The following RIMS2 variants were observed in gnomAD, a reference collection of about 807,000 sequenced individuals.
RIMS2 encodes the protein regulating synaptic membrane exocytosis 2.
In RIMS2, 59 loss-of-function variants were observed where a neutral mutation model predicts 174.4. The ratio of observed to expected loss-of-function variants is 0.34; its 90% CI spans 0.27 to 0.42. The LOEUF (loss-of-function observed/expected upper bound fraction) is 0.42, where lower values mean the gene tolerates loss of function less well. RIMS2 is among the 10% of genes least tolerant of loss of function. The probability of loss-of-function intolerance (pLI) is 1.00; values close to 1 mark genes in which losing one functional copy is unlikely to be tolerated. For missense variants in RIMS2, 1,620 were observed against 1,666.3 expected, an observed-to-expected ratio of 0.97 and a Z score of 0.48; for synonymous variants, 606 against 572.5, an observed-to-expected ratio of 1.06 and a Z score of -0.84.
chr8:103,582,529 G>T (rs959322173), intron 1 of RIMS2, among the ~76,000 whole-genome samples: 16 of 152,192 alleles, frequency 1.1e-4, no homozygotes, highest in African/African-American at 3.9e-4. Context: ...GGTATTTCTG[G>T]ATGTGTCCTG....
At chr8:103,800,854 G>T (rs1251386924) in intron 3 of RIMS2, among the ~76,000 whole-genome samples, 1 of 152,122 alleles carries the variant, frequency 6.6e-6, no homozygotes, top group Non-Finnish European at 1.5e-5. Flanking sequence ...GTTAGGAAAT[G>T]ATCTTCTATC....
intron 17 of RIMS2, among the ~76,000 whole-genome samples, chr8:103,999,897 C>T (rs2095309402): frequency 6.6e-6 from 1 of 151,788 alleles, no homozygotes; most frequent in South Asian, 2.1e-4. Context: ...CTTTCTGTGC[C>T]ACAATTTGGT....
At chr8:103,990,365 A>G (rs2094604498) in intron 17 of RIMS2, among the ~76,000 whole-genome samples, 1 of 152,114 alleles carries the variant, frequency 6.6e-6, no homozygotes, top group Non-Finnish European at 1.5e-5. Flanking sequence ...ATAGTCTTCA[A>G]TAGTGTCTAA....
At chr8:103,696,939 A>G in intron 1 of RIMS2, 147 bp from the exon 4 acceptor site, 1 of 580,214 alleles carries the variant, frequency 1.7e-6, no homozygotes, top group Non-Finnish European at 3.1e-6. Flanking sequence ...GAAAAGTGTT[A>G]ATTTATCATC....
intron 1 of RIMS2, among the ~76,000 whole-genome samples, chr8:103,564,375 A>C (rs1057287918): frequency 6.6e-6 from 1 of 152,188 alleles, no homozygotes; most frequent in African/African-American, 2.4e-5. Flanking sequence ...CAGAACTAAT[A>C]GGATAGATGT....
intron 1 of RIMS2, among the ~76,000 whole-genome samples, chr8:103,617,823 A>C (rs2095541577): frequency 6.6e-6 from 1 of 152,210 alleles, no homozygotes; most frequent in African/African-American, 2.4e-5. Flanking sequence ...CACACCAGTC[A>C]GAATGGCTGT....
At chr8:103,826,713 A>G (rs2098793229) in intron 3 of RIMS2, among the ~76,000 whole-genome samples, 1 of 149,750 alleles carries the variant, frequency 6.7e-6, no homozygotes, top group African/African-American at 2.4e-5. Context: ...TATATTATAT[A>G]CATATATATA....
At chr8:103,916,106 A>C (rs1013203227) in intron 7 of RIMS2, among the ~76,000 whole-genome samples, 1 of 152,076 alleles carries the variant, frequency 6.6e-6, no homozygotes, top group Admixed American at 6.6e-5. Flanking sequence ...CCTGGAGTAT[A>C]GAGTCATAAA....
chr8:104,145,953 G>A (rs1203859684), intron 19 of RIMS2, among the ~76,000 whole-genome samples: 4 of 151,600 alleles, frequency 2.6e-5, no homozygotes, highest in Non-Finnish European at 5.9e-5. Flanking sequence ...AGGAACCCTC[G>A]CTGCAATCTT....
At chr8:104,019,020 A>G (rs1011281777) in intron 19 of RIMS2, among the ~76,000 whole-genome samples, 2 of 152,156 alleles carry the variant, frequency 1.3e-5, no homozygotes, top group Non-Finnish European at 2.9e-5. Context: ...CAACATGGCA[A>G]AACCCCATCT....
intron 1 of RIMS2, among the ~76,000 whole-genome samples, chr8:103,623,410 A>C (rs1388956177): frequency 6.6e-6 from 1 of 151,078 alleles, no homozygotes. Flanking sequence ...GTGGCAAATA[A>C]TTGGCTCTCA....
chr8:103,834,834 G>T lies in RIMS2; in HGVS notation c.699-50464G>T, dbSNP rs1427099256. Among the ~76,000 whole-genome samples, 4 of 151,308 alleles carry T rather than the reference G, an allele frequency of 2.6e-5. No individual in the cohort carries two copies. The Middle Eastern group carries it at 0.01, about 386-fold the overall frequency. ...GTATCACTCAGACTGGACTGCAGTGGCGCTGTCTCGGCTTACTGCCACCTG... is the reference window on the plus strand; with the variant it reads ...GTATCACTCAGACTGGACTGCAGTGTCGCTGTCTCGGCTTACTGCCACCTG... On this transcript the variant is annotated intron_variant, in intron 3 of 23. Transcript: ENST00000504942.
chr8:103,877,899 A>G (rs76455634), intron 3 of RIMS2, among the ~76,000 whole-genome samples: 24,927 of 151,600 alleles, frequency 0.16, 2,181 homozygotes, highest in Middle Eastern at 0.26. Flanking sequence ...TGTGTCATCT[A>G]TGATTACTTT....
chr8:103,722,215 C>CA (rs1040367462), intron 2 of RIMS2, among the ~76,000 whole-genome samples: 6 of 150,948 alleles, frequency 4.0e-5, no homozygotes, highest in Non-Finnish European at 5.9e-5. Context: ...ACTAAAAATA[C>CA]AAAAAAAAAT....
chr8:103,613,277 C>T (rs994697478), intron 1 of RIMS2, among the ~76,000 whole-genome samples: 1 of 152,206 alleles, frequency 6.6e-6, no homozygotes, highest in Admixed American at 6.5e-5. Context: ...TTTTCACTCT[C>T]CCATCTCCCT....
chr8:103,941,208 A>G (rs1190654380), intron 13 of RIMS2, among the ~76,000 whole-genome samples: 1 of 152,202 alleles, frequency 6.6e-6, no homozygotes, highest in Non-Finnish European at 1.5e-5. Flanking sequence ...AACTCCAGGC[A>G]TGGTGGCTCA....
chr8:103,623,048 T>C (rs1270970111), intron 1 of RIMS2, among the ~76,000 whole-genome samples: 1 of 152,206 alleles, frequency 6.6e-6, no homozygotes, highest in African/African-American at 2.4e-5. Context: ...GTTTGTTCCA[T>C]AAGACAGTCT....
intron 19 of RIMS2, chr8:104,148,717 G>A (rs1356678790): frequency 1.9e-6 from 3 of 1,598,250 alleles, no homozygotes; most frequent in Admixed American, 3.3e-5. Flanking sequence ...AATGATGGCA[G>A]CCAGTCTGAC....
At chr8:103,752,696 C>G (rs374111324) in intron 2 of RIMS2, among the ~76,000 whole-genome samples, 7 of 152,124 alleles carry the variant, frequency 4.6e-5, no homozygotes, top group South Asian at 2.1e-4. Context: ...TTTGAAGCAA[C>G]TGTGAATGGG....
Sources: allele counts gnomAD v4.1 joint callset (sites outside exome capture counted in the v4.1 genomes callset), GRCh38; gene constraint gnomAD v4.1.1; transcripts MANE v1.5; gene names NCBI Gene and HGNC (gene_info 2026-07-23, HGNC 2026-07-21).